VPS26A: variants seen among roughly 807,000 people sequenced by gnomAD.
VPS26A encodes the protein VPS26 retromer complex component A, also known as vacuolar protein sorting-associated protein 26A.
Under a neutral mutation model 42.4 loss-of-function variants are expected in VPS26A, and 22 were observed. That is an observed-to-expected ratio of 0.52 (90% CI 0.37 to 0.74). The LOEUF (loss-of-function observed/expected upper bound fraction) is 0.74. VPS26A is among the 30% of genes least tolerant of loss of function. The probability of loss-of-function intolerance (pLI) is 0.00; values close to 1 mark genes in which losing one functional copy is unlikely to be tolerated. For synonymous variants in VPS26A, 110 were observed against 123.5 expected, an observed-to-expected ratio of 0.89 and a Z score of 0.73; for missense variants, 276 against 379.2, an observed-to-expected ratio of 0.73 and a Z score of 2.26.
rs368134426 is a variant in VPS26A at position 69,172,225 on chromosome 10, T to G, written c.*956T>G. 20 of 152,216 alleles carry G rather than the reference T, an allele frequency of 1.3e-4. No homozygotes were observed. The highest frequency in any genetic ancestry group is 4.8e-4 in the African/African-American group (20 of 41,462). 9.4% of individuals were successfully genotyped at this position (152,216 alleles called of 1,614,324 possible). ...CCTGTGAAGCATGTAGTTATCTAGA[T>G]CTGGGTAATTTCATGTTTATTAAAC... is the stretch of plus-strand genomic sequence containing the variant. On this transcript the variant is annotated 3_prime_UTR_variant, in exon 9 of 9. Transcript: ENST00000263559.
rs547781493 is a variant in VPS26A at position 69,133,143 on chromosome 10, G to A, written c.153+96G>A. ...GTTTCTTAAATTTGAATAATTTTATGAGGGAGAGAGATTTTTTTTTCCCTA... is the reference window on the plus strand; with the variant it reads ...GTTTCTTAAATTTGAATAATTTTATAAGGGAGAGAGATTTTTTTTTCCCTA... On this transcript the variant is annotated intron_variant, in intron 2 of 8. Transcript: ENST00000263559. 3.7e-5 allele frequency: 47 copies of A among 1,270,820 alleles called. No individual in the cohort carries two copies. In the African/African-American group the frequency reaches 6.9e-4, roughly 19 times the overall value. The allele number at this position is 1,270,820 out of a possible 1,614,324, so 78.7% of individuals were successfully genotyped here.
At chr10:69,138,402 C>T (rs1840967713) in intron 2 of VPS26A, among the ~76,000 whole-genome samples, 1 of 151,986 alleles carries the variant, frequency 6.6e-6, no homozygotes, top group African/African-American at 2.4e-5. Flanking sequence ...GGAATTGCTG[C>T]CTTATGTTAA....
intron 1 of VPS26A, among the ~76,000 whole-genome samples, chr10:69,132,079 A>G (rs952148239): frequency 3.9e-5 from 6 of 152,208 alleles, no homozygotes; most frequent in African/African-American, 1.4e-4. Flanking sequence ...AGTGTAACAT[A>G]TCCTGTTCAG....
At position 69,172,085 on chromosome 10, in the gene VPS26A, A is replaced by G. The variant is rs1048717; in HGVS notation, c.*816A>G. 71,614 of 152,090 alleles carry G rather than the reference A, an allele frequency of 0.47. 19,235 individuals carry two copies. Among genetic ancestry groups the G allele is most frequent in the Middle Eastern group, 0.72 (213 of 294 alleles). 9.4% of individuals were successfully genotyped at this position (152,090 alleles called of 1,614,324 possible). On this transcript the variant is annotated 3_prime_UTR_variant, in exon 9 of 9. Coordinates refer to ENST00000263559, the MANE Select transcript of VPS26A (RefSeq NM_004896.5). Reference sequence around the variant, plus strand: ...ATTTTTTCCATAAATACTTTGAAACATATTTATATATTTCAATTTAAGGAA... The same window carrying G: ...ATTTTTTCCATAAATACTTTGAAACGTATTTATATATTTCAATTTAAGGAA...
At position 69,124,196 on chromosome 10, in the gene VPS26A, G is replaced by A; in HGVS notation, c.-82G>A. 2.4e-6 allele frequency: 3 copies of A among 1,256,714 alleles called. No individual in the cohort carries two copies. The highest frequency in any genetic ancestry group is 3.0e-6 in the Non-Finnish European group (3 of 993,078). 77.8% of individuals were successfully genotyped at this position (1,256,714 alleles called of 1,614,324 possible). A position where few individuals can be genotyped will look rare whatever the true frequency, so the allele number is the denominator to read the frequency against. ...GCGGCCCGAGGTCACGTGACGGAGC[G>A]CCGGAGCGGAGGGAGCCGGGGCTGG... On this transcript the variant is annotated 5_prime_UTR_variant, in exon 1 of 9. Transcript: ENST00000263559.
chr10:69,155,315 A>G (rs1381522138), intron 2 of VPS26A, among the ~76,000 whole-genome samples: 2 of 152,338 alleles, frequency 1.3e-5, no homozygotes, highest in South Asian at 2.1e-4. Context: ...TACAATAAGT[A>G]TGAAGCTATG....
intron 4 of VPS26A, among the ~76,000 whole-genome samples, chr10:69,157,769 A>G (rs1374003780): frequency 1.3e-5 from 2 of 152,230 alleles, no homozygotes; most frequent in African/African-American, 4.8e-5. Flanking sequence ...TTCCTTAAAG[A>G]AGTGATCTGG....
chr10:69,134,457 C>T (rs1235490927), intron 2 of VPS26A, among the ~76,000 whole-genome samples: 1 of 152,172 alleles, frequency 6.6e-6, no homozygotes, highest in East Asian at 1.9e-4. Flanking sequence ...CGTGAAATAT[C>T]TGAAGGATCT....
intron 5 of VPS26A, among the ~76,000 whole-genome samples, chr10:69,160,079 T>C (rs1196558370): frequency 6.6e-6 from 1 of 151,954 alleles, no homozygotes; most frequent in Non-Finnish European, 1.5e-5. Context: ...TATCAAATAG[T>C]TTAGGACCTG....
At position 69,124,198 on chromosome 10, in the gene VPS26A, C is replaced by A. The variant is rs373023011; in HGVS notation, c.-80C>A. 5.6e-6 allele frequency: 7 copies of A among 1,259,702 alleles called. No homozygotes were observed. The African/African-American group carries it at 7.7e-5, about 14-fold the overall frequency. The allele number at this position is 1,259,702 out of a possible 1,614,324, so 78.0% of individuals were successfully genotyped here. On this transcript the variant is annotated 5_prime_UTR_variant, in exon 1 of 9. Transcript: ENST00000263559. Reference sequence around the variant, plus strand: ...GGCCCGAGGTCACGTGACGGAGCGCCGGAGCGGAGGGAGCCGGGGCTGGGA... The same window carrying A: ...GGCCCGAGGTCACGTGACGGAGCGCAGGAGCGGAGGGAGCCGGGGCTGGGA...
chr10:69,173,700 G>A lies in VPS26A; in HGVS notation c.*2431G>A, dbSNP rs753159853. On this transcript the variant is annotated 3_prime_UTR_variant, in exon 9 of 9. Coordinates refer to ENST00000263559, the MANE Select transcript of VPS26A (RefSeq NM_004896.5). ...TTGTAAAATGTACCAATCAGTGCTT[G>A]TGAAAACGCACCAATCAGGCTGGGC... Among the ~76,000 whole-genome samples, 6 of 152,304 alleles carry A rather than the reference G, an allele frequency of 3.9e-5. No homozygotes were observed. Among genetic ancestry groups the A allele is most frequent in the African/African-American group, 9.6e-5 (4 of 41,584 alleles).
Position 69,172,182 on chromosome 10 carries a change from A to AT in VPS26A, c.*914dup, listed in dbSNP as rs1841829322. ...TTTCTTTTCAGGGGAAAATTTTGGG[A>AT]TGGGGGACTCAGGAGGACCTGTGAA... On this transcript the variant is annotated 3_prime_UTR_variant, in exon 9 of 9. Transcript: ENST00000263559. 6.6e-6 allele frequency: 1 copy of AT among 152,062 alleles called. No homozygotes were observed. The highest frequency in any genetic ancestry group is 1.5e-5 in the Non-Finnish European group (1 of 67,998). The allele number at this position is 152,062 out of a possible 1,614,324, so 9.4% of individuals were successfully genotyped here. A position where few individuals can be genotyped will look rare whatever the true frequency, so the allele number is the denominator to read the frequency against.
chr10:69,156,326 C>T (rs763776614), intron 3 of VPS26A, among the ~76,000 whole-genome samples: 12 of 151,848 alleles, frequency 7.9e-5, no homozygotes, highest in Non-Finnish European at 2.9e-5. Flanking sequence ...GTAGTTTCTT[C>T]TTGACTTAGA....
chr10:69,159,374 C>A (rs1478268238), intron 5 of VPS26A, among the ~76,000 whole-genome samples: 1 of 149,662 alleles, frequency 6.7e-6, no homozygotes, highest in Admixed American at 6.7e-5. Context: ...GAGGGAGACT[C>A]CATCTCAAAA....
intron 1 of VPS26A, among the ~76,000 whole-genome samples, chr10:69,127,023 A>G (rs1189173157): frequency 6.7e-6 from 1 of 148,448 alleles, no homozygotes; most frequent in African/African-American, 2.5e-5. Context: ...CAGTGGCGCG[A>G]TCTTGGCTCA....
At chr10:69,162,680 G>A (rs1841587939) in intron 6 of VPS26A, among the ~76,000 whole-genome samples, 168 bp downstream of exon 6, 1 of 151,830 alleles carries the variant, frequency 6.6e-6, no homozygotes, top group African/African-American at 2.4e-5. Context: ...CTTTTTGATT[G>A]TCCAGAATTT....
At position 69,158,121 on chromosome 10, in the gene VPS26A, T is replaced by C; in HGVS notation, c.461T>C (p.Leu154Pro). The part of the protein sequence containing the change: ...VKEYDLIVHQ[L>P]ATYPDVNNSI... ...GAGTATGATCTTATTGTTCACCAGC[T>C]TGCCACCTATCCTGATGTTAACAAC... Residue 154 changes from leucine to proline, a missense_variant, in exon 5 of 9, where the codon CTT becomes CCT. Coordinates refer to ENST00000263559, the MANE Select transcript of VPS26A (RefSeq NM_004896.5). 2.5e-6 allele frequency: 4 copies of C among 1,613,524 alleles called. No homozygotes were observed. Among genetic ancestry groups the C allele is most frequent in the Non-Finnish European group, 3.4e-6 (4 of 1,179,712 alleles).
intron 1 of VPS26A, among the ~76,000 whole-genome samples, chr10:69,132,431 G>GAT: frequency 7.1e-6 from 1 of 141,322 alleles, no homozygotes; most frequent in East Asian, 2.0e-4. Context: ...TTTTGATGTA[G>GAT]TTTTTTTTTT....
chr10:69,130,005 C>G (rs1019207188), intron 1 of VPS26A, among the ~76,000 whole-genome samples: 5 of 152,114 alleles, frequency 3.3e-5, no homozygotes, highest in Non-Finnish European at 7.3e-5. Context: ...TAATGACTCT[C>G]CTAAGTGAGG....
Sources: allele counts gnomAD v4.1 joint callset (sites outside exome capture counted in the v4.1 genomes callset), GRCh38; gene constraint gnomAD v4.1.1; transcripts MANE v1.5; gene names NCBI Gene and HGNC (gene_info 2026-07-23, HGNC 2026-07-21).